The following AXDND1 variants were observed in gnomAD, a reference collection of about 807,000 sequenced individuals.
The protein encoded by AXDND1 is axonemal dynein light chain domain containing 1, also known as axonemal dynein light chain domain-containing protein 1.
A neutral mutation model predicts 137.5 loss-of-function variants in AXDND1; 110 were observed. That is an observed-to-expected ratio of 0.80 (90% confidence interval 0.69 to 0.94). The LOEUF is 0.94. AXDND1 is among the 40% of genes least tolerant of loss of function. The pLI, the probability that AXDND1 is intolerant of heterozygous loss-of-function variation, is 0.00. For missense variants in AXDND1, 1,191 were observed against 1,169.8 expected (o/e 1.02, Z -0.26); for synonymous variants, 414 against 399.7 (o/e 1.04, Z -0.43).
At position 179,498,790 on chromosome 1, in the gene AXDND1, A is replaced by G. The variant is rs1199442134; in HGVS notation, c.2388+5839A>G. Among the ~76,000 whole-genome samples the G allele has an allele frequency of 2.6e-5, 4 of 152,274 alleles. No homozygotes were observed. The East Asian group carries it at 7.7e-4, about 29-fold the overall frequency. ...AAGGATATGAACAGATATTTCTCAA[A>G]AGAAGATACACAGTGGCCAACAAAC... is the stretch of plus-strand genomic sequence containing the variant. On this transcript the variant is annotated intron_variant, in intron 20 of 25. Coordinates refer to ENST00000367618, the MANE Select transcript of AXDND1 (RefSeq NM_144696.6).
At chr1:179,522,928 A>G (rs1192368980) in intron 21 of AXDND1, among the ~76,000 whole-genome samples, 4 of 150,900 alleles carry the variant, frequency 2.7e-5, no homozygotes, top group South Asian at 2.1e-4. Flanking sequence ...GGCTTACACC[A>G]TAATTTATTT....
chr1:179,451,667 G>T (rs1328262555), intron 16 of AXDND1: 1 of 152,308 alleles, frequency 6.6e-6, no homozygotes, highest in East Asian at 1.9e-4. Context: ...TTCCCATGCT[G>T]TTCTCATGAT....
At chr1:179,419,679 G>C (rs1013807422) in intron 12 of AXDND1, among the ~76,000 whole-genome samples, 6 of 144,486 alleles carry the variant, frequency 4.2e-5, no homozygotes, top group African/African-American at 1.6e-4. Context: ...GACAGAGAGG[G>C]AGAGGGAGAG....
chr1:179,455,608 A>AT (rs1661272903), intron 16 of AXDND1: 1 of 151,726 alleles, frequency 6.6e-6, no homozygotes, highest in Admixed American at 6.6e-5. Flanking sequence ...AAAAAAAAAA[A>AT]AAAAAATTAA....
intron 20 of AXDND1, chr1:179,506,945 T>C: frequency 4.1e-6 from 4 of 970,210 alleles, no homozygotes; most frequent in Non-Finnish European, 4.9e-6. Flanking sequence ...AAGCCCCAGC[T>C]TTCCTTCCTT....
chr1:179,457,211 C>T, intron 16 of AXDND1: 1 of 744,108 alleles, frequency 1.3e-6, no homozygotes, highest in Non-Finnish European at 2.4e-6. Flanking sequence ...CCACACAGTC[C>T]ATGAGCATTC....
chr1:179,535,818 G>A (rs1671498468), intron 25 of AXDND1, among the ~76,000 whole-genome samples: 2 of 152,158 alleles, frequency 1.3e-5, no homozygotes, highest in Non-Finnish European at 2.9e-5. Context: ...CACAATGGTT[G>A]AACTAATTTA....
At chr1:179,445,251 C>A in intron 16 of AXDND1, 47 bp downstream of exon 16, 13 of 1,217,508 alleles carry the variant, frequency 1.1e-5, no homozygotes, top group South Asian at 5.2e-5. Context: ...TAAAATGTTT[C>A]CACAATAATT....
intron 15 of AXDND1, among the ~76,000 whole-genome samples, chr1:179,440,473 C>T (rs1571846014): frequency 6.6e-6 from 1 of 152,316 alleles, no homozygotes; most frequent in East Asian, 1.9e-4. Context: ...CATTTGGAGC[C>T]AAACCTCATA....
intron 22 of AXDND1, 102 bp from the exon 23 acceptor site, chr1:179,528,225 G>T: frequency 4.0e-6 from 3 of 742,716 alleles, no homozygotes; most frequent in Non-Finnish European, 6.8e-6. Context: ...AATGGAAAAT[G>T]TAAGCTTCCA....
intron 6 of AXDND1, among the ~76,000 whole-genome samples, chr1:179,380,240 C>T (rs563644966): frequency 6.6e-6 from 1 of 150,944 alleles, no homozygotes; most frequent in Non-Finnish European, 1.5e-5. Flanking sequence ...CAGAGTGAGA[C>T]TCCGTCTCAA....
intron 14 of AXDND1, 58 bp from the exon 15 acceptor site, chr1:179,432,209 A>C: frequency 6.8e-7 from 1 of 1,471,240 alleles, no homozygotes; most frequent in East Asian, 2.6e-5. Flanking sequence ...GTGTGAACTG[A>C]TGATCTTGTT....
intron 11 of AXDND1, 112 bp from the exon 12 acceptor site, chr1:179,411,034 A>G: frequency 2.5e-6 from 2 of 788,788 alleles, no homozygotes; most frequent in South Asian, 2.3e-5. Context: ...CCTTATGATG[A>G]GTTTTAAAGG....
At chr1:179,535,672 T>C (rs1292361294) in intron 25 of AXDND1, among the ~76,000 whole-genome samples, 2 of 152,228 alleles carry the variant, frequency 1.3e-5, no homozygotes, top group South Asian at 4.1e-4. Context: ...TGAATAGTGC[T>C]GCAATAAACA....
intron 20 of AXDND1, among the ~76,000 whole-genome samples, chr1:179,499,727 TAAGAC>T (rs1667806736): frequency 6.6e-6 from 1 of 152,076 alleles, no homozygotes; most frequent in Admixed American, 6.6e-5. Flanking sequence ...CAAGATTAAT[TAAGAC>T]AAAAAGATGC....
At chr1:179,553,440 T>C (rs1338894666) in intron 25 of AXDND1, among the ~76,000 whole-genome samples, 1 of 152,254 alleles carries the variant, frequency 6.6e-6, no homozygotes, top group African/African-American at 2.4e-5. Context: ...AATGAAGTAC[T>C]GATTCATGCT....
intron 11 of AXDND1, among the ~76,000 whole-genome samples, chr1:179,401,748 C>T (rs1430345688): frequency 2.0e-5 from 3 of 152,028 alleles, no homozygotes; most frequent in Non-Finnish European, 4.4e-5. Flanking sequence ...GGGGAAACCC[C>T]TTTTGCTTGG....
At chr1:179,482,088 G>A (rs1665465184) in intron 17 of AXDND1, among the ~76,000 whole-genome samples, 2 of 140,118 alleles carry the variant, frequency 1.4e-5, no homozygotes, top group Non-Finnish European at 1.5e-5. Context: ...ACAAGATTAG[G>A]AGCTTTTTAA....
chr1:179,421,013 G>T (rs12749731), intron 12 of AXDND1, among the ~76,000 whole-genome samples: 3 of 151,164 alleles, frequency 2.0e-5, no homozygotes, highest in Non-Finnish European at 4.4e-5. Flanking sequence ...CTTCTTTTTC[G>T]TTTCTTATTC....
Sources: allele counts gnomAD v4.1 joint callset (sites outside exome capture counted in the v4.1 genomes callset), GRCh38; gene constraint gnomAD v4.1.1; transcripts MANE v1.5; gene names NCBI Gene and HGNC (gene_info 2026-07-23, HGNC 2026-07-21).